The following CFAP57 variants were observed in gnomAD, a reference collection of about 807,000 sequenced individuals.
The protein encoded by CFAP57 is cilia and flagella associated protein 57, also known as cilia- and flagella-associated protein 57.
A neutral mutation model predicts 146.8 loss-of-function variants in CFAP57; 116 were observed. The ratio of observed to expected loss-of-function variants is 0.79; its 90% confidence interval spans 0.68 to 0.92. The LOEUF (loss-of-function observed/expected upper bound fraction) is 0.92, where lower values mean the gene tolerates loss of function less well. CFAP57 is among the 40% of genes least tolerant of loss of function. The pLI is 0.00. For missense variants in CFAP57, 1,377 were observed against 1,527.2 expected (o/e 0.90, Z 1.64); for synonymous variants, 518 against 552.8 (o/e 0.94, Z 0.88).
chr1:43,190,842 T>C (rs1314342274), intron 6 of CFAP57, among the ~76,000 whole-genome samples: 2 of 152,184 alleles, frequency 1.3e-5, no homozygotes, highest in African/African-American at 4.8e-5. Flanking sequence ...CACTTGGCCA[T>C]AGTATATAAT....
intron 21 of CFAP57, among the ~76,000 whole-genome samples, chr1:43,237,491 T>C (rs1352052866): frequency 2.0e-5 from 3 of 152,190 alleles, no homozygotes; most frequent in Non-Finnish European, 4.4e-5. Flanking sequence ...CTGGACCAGA[T>C]ACAAATAATT....
At chr1:43,253,638 T>C (rs573829158) in intron 22 of CFAP57, among the ~76,000 whole-genome samples, 1 of 151,768 alleles carries the variant, frequency 6.6e-6, no homozygotes, top group South Asian at 2.1e-4. Flanking sequence ...CCAACATAGG[T>C]CAGGAGAAGA....
At chr1:43,239,413 A>G (rs1418962624) in intron 21 of CFAP57, among the ~76,000 whole-genome samples, 2 of 151,236 alleles carry the variant, frequency 1.3e-5, no homozygotes, top group Non-Finnish European at 2.9e-5. Context: ...AGGTACCAGG[A>G]GCCAGAAATC....
chr1:43,220,461 A>G (rs1645001282), intron 13 of CFAP57, among the ~76,000 whole-genome samples: 1 of 152,150 alleles, frequency 6.6e-6, no homozygotes, highest in Non-Finnish European at 1.5e-5. Flanking sequence ...AAGGTGGCTC[A>G]CCCCTATAAT....
At chr1:43,226,873 T>G in intron 17 of CFAP57, 110 bp from the exon 18 acceptor site, 2 of 1,265,558 alleles carry the variant, frequency 1.6e-6, no homozygotes, top group Non-Finnish European at 2.1e-6. Context: ...AGTCTCCTGG[T>G]TGACCTCTTC....
rs1037057532 is a variant in CFAP57, at chr1:43,234,485, G to A, written c.3262-10G>A. ...CTCTCCCTCACTGAGAATCTCCTGG[G>A]CCCCGTCAGGTGGAGATCGCAGGGC... is the stretch of plus-strand genomic sequence containing the variant. On this transcript the variant is annotated splice_polypyrimidine_tract_variant and intron_variant, in intron 20 of 22. Coordinates refer to ENST00000372492, the MANE Select transcript of CFAP57 (RefSeq NM_001378189.1). 4 of 1,546,302 alleles carry A rather than the reference G, an allele frequency of 2.6e-6. No individual in the cohort carries two copies. The highest frequency in any genetic ancestry group is 1.4e-5 in the African/African-American group (1 of 72,956).
In CFAP57 at chr1:43,207,083, G is replaced by C. The variant is rs1040220786; in HGVS notation, c.1755+151G>C. On this transcript the variant is annotated intron_variant, in intron 10 of 22. Transcript: ENST00000372492. ...AACATCAGGCTCCTCATTCCTTTTAGATTAGCTCAGTTATCGTCACTTCCT... is the reference window on the plus strand; with the variant it reads ...AACATCAGGCTCCTCATTCCTTTTACATTAGCTCAGTTATCGTCACTTCCT... 1.0e-5 allele frequency: 8 copies of C among 763,264 alleles called. No homozygotes were observed. In the African/African-American group the frequency reaches 1.4e-4, roughly 13 times the overall value. 47.3% of individuals were successfully genotyped at this position (763,264 alleles called of 1,614,324 possible).
intron 6 of CFAP57, among the ~76,000 whole-genome samples, chr1:43,190,744 A>T (rs1273321336): frequency 6.7e-6 from 1 of 150,132 alleles, no homozygotes; most frequent in Non-Finnish European, 1.5e-5. Context: ...TTATTGTGTG[A>T]GTTTTCGTTT....
chr1:43,176,042 A>G (rs1645159044), intron 2 of CFAP57, among the ~76,000 whole-genome samples: 1 of 151,816 alleles, frequency 6.6e-6, no homozygotes, highest in Admixed American at 6.6e-5. Flanking sequence ...ACTCCATCTT[A>G]TATCACCAGG....
rs1334138465 is a variant in CFAP57, at chr1:43,222,107, T to G, written c.2344T>G (p.Cys782Gly). The change falls in exon 15 of 23, where the codon TGT (cysteine) becomes GGT (glycine). Residue 782 changes from cysteine (C) to glycine (G), a missense_variant and splice_region_variant. By Grantham distance (159) the Cys-to-Gly change is radical. Coordinates refer to ENST00000372492, the MANE Select transcript of CFAP57 (RefSeq NM_001378189.1). Reference protein sequence around the residue: ...KQSRELQDMECCNNQKLLLEY... With the variant: ...KQSRELQDMEGCNNQKLLLEY... ...ATACCATCCTTGCTTCTCTCCAGAATGTTGCAACAACCAAAAGTTGCTTCT... is the reference window on the plus strand; with the variant it reads ...ATACCATCCTTGCTTCTCTCCAGAAGGTTGCAACAACCAAAAGTTGCTTCT... 1 of 1,546,352 alleles carries G rather than the reference T, an allele frequency of 6.5e-7. No homozygotes were observed. The highest frequency in any genetic ancestry group is 1.2e-5 in the South Asian group (1 of 83,352).
At chr1:43,179,933 G>T (rs989822567) in intron 2 of CFAP57, among the ~76,000 whole-genome samples, 6 of 151,940 alleles carry the variant, frequency 3.9e-5, no homozygotes, top group Non-Finnish European at 8.8e-5. Flanking sequence ...TAGGCCAGGC[G>T]TGGTGGCTCA....
intron 4 of CFAP57, among the ~76,000 whole-genome samples, chr1:43,184,123 G>C (rs559102754): frequency 2.6e-5 from 4 of 152,022 alleles, no homozygotes; most frequent in African/African-American, 4.8e-5. Flanking sequence ...TAGTATTACT[G>C]GTCTTCAAAA....
chr1:43,232,283 G>C lies in CFAP57; in HGVS notation c.3010-225G>C. On this transcript the variant is annotated intron_variant, in intron 18 of 22. Coordinates refer to ENST00000372492, the MANE Select transcript of CFAP57 (RefSeq NM_001378189.1). Reference sequence around the variant, plus strand: ...ACTCAGAGGGAAAACTTCCCAGCCTGGCCGTGGAAACACGTGATGCTGGTT... The same window carrying C: ...ACTCAGAGGGAAAACTTCCCAGCCTCGCCGTGGAAACACGTGATGCTGGTT... The C allele has an allele frequency of 1.0e-5, 6 of 589,370 alleles. 1 individual carries two copies. In the South Asian group the frequency reaches 1.3e-4, roughly 13 times the overall value. The allele number at this position is 589,370 out of a possible 1,614,324, so 36.5% of individuals were successfully genotyped here.
chr1:43,235,034 T>C (rs761462330), intron 21 of CFAP57, among the ~76,000 whole-genome samples: 17 of 152,038 alleles, frequency 1.1e-4, no homozygotes, highest in Non-Finnish European at 1.2e-4. Flanking sequence ...TGAGCCACTT[T>C]CCCTTCTCTC....
At chr1:43,203,065 C>T (rs1644202766) in intron 9 of CFAP57, among the ~76,000 whole-genome samples, 1 of 151,494 alleles carries the variant, frequency 6.6e-6, no homozygotes, top group South Asian at 2.1e-4. Flanking sequence ...CCCAGCTACT[C>T]GGGAGGCTGA....
At chr1:43,210,595 T>G in intron 11 of CFAP57, 2 of 228,458 alleles carry the variant, frequency 8.8e-6, no homozygotes, top group Non-Finnish European at 7.4e-6. Flanking sequence ...TACAGTGTGA[T>G]TCCACTTTTA....
rs149202317 is a variant in CFAP57 at position 43,249,697 on chromosome 1, G to A, written c.3539-4280G>A. Among the ~76,000 whole-genome samples the A allele has an allele frequency of 9.6e-3, 1,426 of 148,700 alleles. 24 individuals carry two copies. The highest frequency in any genetic ancestry group is 0.034 in the African/African-American group (1,370 of 40,266). On this transcript the variant is annotated intron_variant, in intron 22 of 22. Transcript: ENST00000372492. ...TGAGCTCAGCCAATCCGCCCACCTC[G>A]GCCTCCCAAAGTGTGGGGATTACAG... is the stretch of plus-strand genomic sequence containing the variant.
intron 18 of CFAP57, among the ~76,000 whole-genome samples, chr1:43,228,246 G>A (rs1226559642): frequency 6.6e-6 from 1 of 152,218 alleles, no homozygotes; most frequent in East Asian, 1.9e-4. Flanking sequence ...GACAGTTCCT[G>A]TAAGTCACGC....
intron 5 of CFAP57, among the ~76,000 whole-genome samples, chr1:43,186,077 T>C (rs1384985504): frequency 7.3e-6 from 1 of 136,962 alleles, no homozygotes; most frequent in Non-Finnish European, 1.5e-5. Context: ...AGACTCTGTC[T>C]CAAAAAAAAA....
Sources: allele counts gnomAD v4.1 joint callset (sites outside exome capture counted in the v4.1 genomes callset), GRCh38; gene constraint gnomAD v4.1.1; transcripts MANE v1.5; gene names NCBI Gene and HGNC (gene_info 2026-07-23, HGNC 2026-07-21).